The following MAPKAP1 variants were observed in gnomAD, a reference collection of about 807,000 sequenced individuals.
MAPKAP1 encodes MAPK associated protein 1, also known as target of rapamycin complex 2 subunit MAPKAP1.
In MAPKAP1, 20 loss-of-function variants were observed where a neutral mutation model predicts 65.7. That is an observed-to-expected ratio of 0.30 (90% confidence interval 0.21 to 0.44). MAPKAP1 has a LOEUF of 0.44. Ranked by LOEUF, MAPKAP1 falls within the 20% of genes least tolerant of loss-of-function variation. MAPKAP1 has a pLI of 1.00. For synonymous variants in MAPKAP1, 222 were observed against 244.3 expected (o/e 0.91, Z 0.85); for missense variants, 423 against 648.0 (o/e 0.65, Z 3.77).
At chr9:125,603,301 G>A (rs1423329180) in intron 4 of MAPKAP1, among the ~76,000 whole-genome samples, 2 of 152,094 alleles carry the variant, frequency 1.3e-5, no homozygotes, top group Admixed American at 6.5e-5. Flanking sequence ...ATCAGTAATC[G>A]TGAGGTGTAT....
intron 8 of MAPKAP1, among the ~76,000 whole-genome samples, chr9:125,500,280 C>G (rs532231001): frequency 6.6e-6 from 1 of 151,636 alleles, no homozygotes; most frequent in Non-Finnish European, 1.5e-5. Context: ...CTCTGCCTCC[C>G]GGGTTCACGC....
intron 5 of MAPKAP1, chr9:125,565,741 CAAAAAA>C (rs71374275): frequency 4.5e-3 from 666 of 147,710 alleles, no homozygotes; most frequent in Non-Finnish European, 5.6e-3. Flanking sequence ...TTCTCTCCTG[CAAAAAA>C]AAAAAAAAAA....
chr9:125,622,273 T>G (rs748967564), intron 4 of MAPKAP1, among the ~76,000 whole-genome samples: 1 of 152,132 alleles, frequency 6.6e-6, no homozygotes, highest in Non-Finnish European at 1.5e-5. Flanking sequence ...CATTGTTACA[T>G]TGTTGCATAT....
At chr9:125,475,732 G>A (rs2133011324) in intron 9 of MAPKAP1, among the ~76,000 whole-genome samples, 1 of 152,310 alleles carries the variant, frequency 6.6e-6, no homozygotes, top group South Asian at 2.1e-4. Flanking sequence ...CAAAGATTCT[G>A]CACTAGGACA....
chr9:125,578,602 A>T (rs1831522329), intron 5 of MAPKAP1, among the ~76,000 whole-genome samples: 1 of 152,236 alleles, frequency 6.6e-6, no homozygotes. Context: ...AAAAAAGCTC[A>T]GATTGCTGAT....
chr9:125,672,427 T>G lies in MAPKAP1; in HGVS notation c.148A>C (p.Ser50Arg). The G allele has an allele frequency of 6.2e-7, 1 of 1,614,182 alleles. No individual in the cohort carries two copies. Among genetic ancestry groups the G allele is most frequent in the Non-Finnish European group, 8.5e-7 (1 of 1,180,024 alleles). Residue 50 changes from serine (S) to arginine (R), a missense_variant, in exon 2 of 12, where the codon AGT (serine) becomes CGT (arginine). Transcript: ENST00000265960. ...KIHPPSMPGD[S>R]GSEIQGSNGE... ...TTGCTTCCCTGAATTTCTGACCCAC[T>G]GTCTCCAGGCATTGAAGGAGGATGA...
At chr9:125,694,481 G>C (rs1306745049) in intron 1 of MAPKAP1, among the ~76,000 whole-genome samples, 1 of 152,100 alleles carries the variant, frequency 6.6e-6, no homozygotes, top group Non-Finnish European at 1.5e-5. Flanking sequence ...ACCTCAGTGG[G>C]AATGGTGCTC....
At chr9:125,553,398 A>G (rs1370553518) in intron 6 of MAPKAP1, among the ~76,000 whole-genome samples, 3 of 151,970 alleles carry the variant, frequency 2.0e-5, no homozygotes, top group Non-Finnish European at 4.4e-5. Context: ...AAAAATTGGC[A>G]GGGCATGGTG....
intron 6 of MAPKAP1, among the ~76,000 whole-genome samples, chr9:125,545,565 G>A (rs1830398866): frequency 6.6e-6 from 1 of 152,192 alleles, no homozygotes; most frequent in African/African-American, 2.4e-5. Flanking sequence ...AGGAACTACT[G>A]TAGATTTCAG....
intron 5 of MAPKAP1, among the ~76,000 whole-genome samples, chr9:125,569,746 G>A (rs1831170872): frequency 6.6e-6 from 1 of 152,120 alleles, no homozygotes; most frequent in Non-Finnish European, 1.5e-5. Context: ...TTAAAAACTG[G>A]CAAATGAAAA....
At chr9:125,596,106 C>A in intron 4 of MAPKAP1, 2 of 880,540 alleles carry the variant, frequency 2.3e-6, no homozygotes, top group Non-Finnish European at 3.8e-6. Context: ...GAAAAGGGGA[C>A]TTGCCTTTGT....
intron 8 of MAPKAP1, among the ~76,000 whole-genome samples, chr9:125,487,813 T>C (rs1231448539): frequency 6.6e-6 from 1 of 152,174 alleles, no homozygotes. Flanking sequence ...TGGCTGGAAA[T>C]TGATTTAGCT....
chr9:125,524,957 C>T (rs1324977791), intron 7 of MAPKAP1, among the ~76,000 whole-genome samples: 1 of 152,234 alleles, frequency 6.6e-6, no homozygotes. Flanking sequence ...CTTGCTGATG[C>T]TCTGCTGCTC....
intron 7 of MAPKAP1, among the ~76,000 whole-genome samples, chr9:125,540,392 G>T (rs1365070748): frequency 6.6e-6 from 1 of 152,232 alleles, no homozygotes; most frequent in Non-Finnish European, 1.5e-5. Flanking sequence ...AGAAATGTCT[G>T]TGGGCAAGGA....
At position 125,439,037 on chromosome 9, in the gene MAPKAP1, G is replaced by A. The variant is rs772909655; in HGVS notation, c.1444-25C>T. 5.0e-6 allele frequency: 8 copies of A among 1,610,218 alleles called. No homozygotes were observed. The highest frequency in any genetic ancestry group is 6.8e-6 in the Non-Finnish European group (8 of 1,178,416). ...CCTAGAAACAAGAGCACACAGCCCG[G>A]TCACCTTGCCAGCCGCTCCCTACCC... On this transcript the variant is annotated intron_variant, in intron 11 of 11. Transcript: ENST00000265960. The surrounding 1 kb of genome is among the most constrained non-coding windows in gnomAD (Gnocchi z 4.0).
intron 7 of MAPKAP1, chr9:125,521,352 CT>C (rs1344383028): frequency 5.9e-6 from 3 of 509,142 alleles, no homozygotes; most frequent in Non-Finnish European, 7.7e-6. Flanking sequence ...AAACCTTTAC[CT>C]TTGTCCCTAA....
chr9:125,482,677 A>C (rs1854361636), intron 9 of MAPKAP1, among the ~76,000 whole-genome samples: 1 of 152,200 alleles, frequency 6.6e-6, no homozygotes, highest in South Asian at 2.1e-4. Flanking sequence ...GTTTTGTTAT[A>C]ATGTTGATAA....
intron 4 of MAPKAP1, among the ~76,000 whole-genome samples, chr9:125,620,960 AATAAG>A (rs771491102): frequency 4.6e-5 from 7 of 152,302 alleles, no homozygotes; most frequent in South Asian, 4.1e-4. Context: ...GAAATTAAAT[AATAAG>A]ATAAGAATAA....
chr9:125,672,350 A>G lies in MAPKAP1; in HGVS notation c.225T>C (p.Ser75=). 1.9e-6 allele frequency: 3 copies of G among 1,614,184 alleles called. No individual in the cohort carries two copies. Among genetic ancestry groups the G allele is most frequent in the South Asian group, 1.1e-5 (1 of 91,084 alleles). ...VYAQSVDITS[S]WDFGIRRRSN... ...AGCGTCTTCTAATACCAAAGTCCCAACTTGAGGTAATATCGACTGACTGGG... is the reference window on the plus strand; with the variant it reads ...AGCGTCTTCTAATACCAAAGTCCCAGCTTGAGGTAATATCGACTGACTGGG... Residue 75 remains serine (S), a synonymous_variant, in exon 2 of 12, where the codon AGT becomes AGC. Transcript: ENST00000265960.
Sources: gnomAD v4.1 joint callset for allele counts (sites outside exome capture counted in the v4.1 genomes callset) on GRCh38, gnomAD v4.1.1 for gene constraint, Gnocchi (gnomAD v3.1) non-coding constraint, MANE v1.5 for transcripts, NCBI Gene and HGNC (gene_info 2026-07-23, HGNC 2026-07-21) for gene names.